The following CDH4 variants were observed in gnomAD, a reference collection of about 807,000 sequenced individuals.
CDH4 encodes the protein cadherin 4.
CDH4 carries 33 observed loss-of-function variants against 86.0 expected under a neutral mutation model. The ratio of observed to expected loss-of-function variants is 0.38; its 90% CI spans 0.29 to 0.51. The LOEUF (loss-of-function observed/expected upper bound fraction) is 0.51, where lower values mean the gene tolerates loss of function less well. CDH4 is among the 20% of genes least tolerant of loss of function. The pLI, the probability that CDH4 is intolerant of heterozygous loss-of-function variation, is 0.86. For missense variants in CDH4, 1,114 were observed against 1,307.4 expected (o/e 0.85, Z 2.28); for synonymous variants, 555 against 549.4 (o/e 1.01, Z -0.14).
At position 61,910,589 on chromosome 20, in the gene CDH4, C is replaced by T; in HGVS notation, c.1356C>T (p.Gly452=). Residue 452 remains glycine (G), a synonymous_variant, in exon 9 of 16, where the codon GGC becomes GGT. Transcript: ENST00000614565. Reference sequence around the variant, plus strand: ...GCACAGACCCCGTAACCAACGAGGGCATGGTCACCGTGGTGAAGGTGCGTA... The same window carrying T: ...GCACAGACCCCGTAACCAACGAGGGTATGGTCACCGTGGTGAAGGTGCGTA... ...SVRTDPVTNE[G]MVTVVKAVDY... is the part of the protein sequence containing the mutation. 6.2e-7 allele frequency: 1 copy of T among 1,613,608 alleles called. No individual in the cohort carries two copies. Among genetic ancestry groups the T allele is most frequent in the Non-Finnish European group, 8.5e-7 (1 of 1,179,894 alleles).
In CDH4 at chr20:61,505,449, C is replaced by T. The variant is rs1239863315; in HGVS notation, c.170-238114C>T. 3.3e-5 allele frequency among the ~76,000 whole-genome samples: 5 copies of T among 152,322 alleles called. No homozygotes were observed. The South Asian group carries it at 1.0e-3, about 32-fold the overall frequency. On this transcript the variant is annotated intron_variant, in intron 2 of 15. Transcript: ENST00000614565. ...GGTTCTGAGGGCGACTCTCTTTTGT[C>T]TTTGCAGCCTGTGATCTTAAGGAGA...
chr20:61,343,283 A>T (rs541248732), intron 2 of CDH4, among the ~76,000 whole-genome samples: 5 of 152,234 alleles, frequency 3.3e-5, no homozygotes, highest in Non-Finnish European at 7.3e-5. Flanking sequence ...ATAAGACTCA[A>T]AATGATTGTG....
At chr20:61,531,831 C>T (rs1429861377) in intron 2 of CDH4, among the ~76,000 whole-genome samples, 1 of 152,224 alleles carries the variant, frequency 6.6e-6, no homozygotes, top group Non-Finnish European at 1.5e-5. Context: ...GATGTGGAAA[C>T]TCACTTCGAC....
At chr20:61,792,968 T>C (rs1044045320) in intron 4 of CDH4, among the ~76,000 whole-genome samples, 7 of 149,564 alleles carry the variant, frequency 4.7e-5, no homozygotes, top group African/African-American at 1.7e-4. Flanking sequence ...TTTTTGTTTT[T>C]GTTTTTGTTT....
intron 2 of CDH4, among the ~76,000 whole-genome samples, chr20:61,593,072 A>G (rs2086529777): frequency 2.0e-5 from 3 of 152,222 alleles, no homozygotes; most frequent in Admixed American, 2.0e-4. Context: ...ATGGAAGACA[A>G]GGAAATGATT....
intron 2 of CDH4, among the ~76,000 whole-genome samples, chr20:61,533,095 G>C (rs1220451839): frequency 1.3e-5 from 2 of 152,156 alleles, no homozygotes; most frequent in Admixed American, 6.5e-5. Flanking sequence ...GAGGGACCCT[G>C]AGAGTGAAAG....
At chr20:61,530,188 C>A (rs2085941755) in intron 2 of CDH4, among the ~76,000 whole-genome samples, 1 of 152,086 alleles carries the variant, frequency 6.6e-6, no homozygotes, top group Non-Finnish European at 1.5e-5. Flanking sequence ...AACCACCCCA[C>A]ACCCGGCTAA....
intron 2 of CDH4, among the ~76,000 whole-genome samples, chr20:61,732,244 G>A (rs2088199218): frequency 6.6e-6 from 1 of 152,162 alleles, no homozygotes; most frequent in Non-Finnish European, 1.5e-5. Flanking sequence ...GCAAGTCCTG[G>A]TGAAGTGATG....
At chr20:61,778,690 G>A (rs961344596) in intron 4 of CDH4, among the ~76,000 whole-genome samples, 1 of 152,110 alleles carries the variant, frequency 6.6e-6, no homozygotes, top group African/African-American at 2.4e-5. Flanking sequence ...CAGAACCCCA[G>A]GCTGTCCCTT....
chr20:61,426,768 A>G (rs2085217677), intron 2 of CDH4, among the ~76,000 whole-genome samples: 2 of 152,232 alleles, frequency 1.3e-5, no homozygotes, highest in South Asian at 4.1e-4. Context: ...CAGGGAATCG[A>G]GGCAGAAGCA....
At chr20:61,678,152 AGATGGAT>A (rs138904349) in intron 2 of CDH4, among the ~76,000 whole-genome samples, 22,836 of 151,882 alleles carry the variant, frequency 0.15, 2,245 homozygotes, top group Non-Finnish European at 0.22. Flanking sequence ...ATAGGTAGAT[AGATGGAT>A]GATGGATGAT....
At chr20:61,626,045 C>T (rs1302950890) in intron 2 of CDH4, among the ~76,000 whole-genome samples, 1 of 152,250 alleles carries the variant, frequency 6.6e-6, no homozygotes, top group African/African-American at 2.4e-5. Context: ...CACAGCAAGG[C>T]ACACTTAGCC....
chr20:61,502,182 ACT>A (rs1428468788), intron 2 of CDH4, among the ~76,000 whole-genome samples: 3 of 152,136 alleles, frequency 2.0e-5, no homozygotes, highest in East Asian at 1.9e-4. Flanking sequence ...GGAAATGATG[ACT>A]CTCTGCTCCA....
intron 3 of CDH4, among the ~76,000 whole-genome samples, chr20:61,750,316 G>A (rs748524637): frequency 5.3e-5 from 8 of 152,074 alleles, no homozygotes; most frequent in Non-Finnish European, 8.8e-5. Flanking sequence ...TCTCATGGAC[G>A]TCAGAAAGAT....
At chr20:61,342,710 G>A (rs79370821) in intron 2 of CDH4, among the ~76,000 whole-genome samples, 21,404 of 152,132 alleles carry the variant, frequency 0.14, 1,728 homozygotes, top group African/African-American at 0.22. Context: ...TGGCTGGGAA[G>A]GATGGGCTGC....
intron 9 of CDH4, among the ~76,000 whole-genome samples, chr20:61,914,494 G>A (rs370250707): frequency 1.3e-3 from 188 of 149,354 alleles, no homozygotes; most frequent in African/African-American, 4.3e-3. Flanking sequence ...TCCCGGGTGC[G>A]GGCTCAGCCT....
intron 4 of CDH4, among the ~76,000 whole-genome samples, chr20:61,779,554 T>C (rs1489261961): frequency 6.6e-6 from 1 of 152,244 alleles, no homozygotes; most frequent in Non-Finnish European, 1.5e-5. Flanking sequence ...TCAAATGAGC[T>C]TAAGCGGATT....
chr20:61,749,523 A>G (rs1388593509), intron 3 of CDH4, among the ~76,000 whole-genome samples: 1 of 152,258 alleles, frequency 6.6e-6, no homozygotes, highest in African/African-American at 2.4e-5. Flanking sequence ...AAATCAAAAC[A>G]TAGTTTGTTT....
At position 61,841,001 on chromosome 20, in the gene CDH4, A is replaced by G. The variant is rs59996732; in HGVS notation, c.577-3667A>G. ...GTGGATTATTTTCAGCAGTCTCCTC[A>G]TTAAATTTCCCTATGAAAGAGGGAT... On this transcript the variant is annotated intron_variant, in intron 4 of 15. Transcript: ENST00000614565. 2.0e-5 allele frequency among the ~76,000 whole-genome samples: 3 copies of G among 152,376 alleles called. No individual in the cohort carries two copies. The East Asian group carries it at 5.8e-4, about 29-fold the overall frequency.
Sources: allele counts gnomAD v4.1 joint callset (sites outside exome capture counted in the v4.1 genomes callset), GRCh38; gene constraint gnomAD v4.1.1; transcripts MANE v1.5; gene names NCBI Gene and HGNC (gene_info 2026-07-23, HGNC 2026-07-21).